The following ZNF860 variants were observed in gnomAD, a reference collection of about 807,000 sequenced individuals.
ZNF860 encodes zinc finger protein 860.
For missense variants in ZNF860, 641 were observed against 759.2 expected, an observed-to-expected ratio of 0.84 and a Z score of 1.83; for synonymous variants, 206 against 248.9, an observed-to-expected ratio of 0.83 and a Z score of 1.62.
At chr3:32,000,927 C>T in the ZNF860 span, among the ~76,000 whole-genome samples, 4 of 152,164 alleles carry the variant, frequency 2.6e-5, no homozygotes, top group East Asian at 3.9e-4. Context: ...ATCTTTGGAA[C>T]TGGAATGAAG....
chr3:31,990,362 G>A lies in ZNF860; in HGVS notation c.1283G>A (p.Cys428Tyr). ...CATAATGAAGAGAGATCTTACAAGT[G>A]TAATAAATGTGGCAAATTTTTTAGA... ...RIHNEERSYK[C>Y]NKCGKFFRRR... is the part of the protein sequence containing the mutation. Residue 428 changes from cysteine (C) to tyrosine (Y), a missense_variant, in exon 2 of 2, where the codon TGT (cysteine) becomes TAT (tyrosine). Coordinates refer to ENST00000360311, the MANE Select transcript of ZNF860 (RefSeq NM_001137674.3). 3 of 1,614,078 alleles carry A rather than the reference G, an allele frequency of 1.9e-6. No individual in the cohort carries two copies. Among genetic ancestry groups the A allele is most frequent in the Non-Finnish European group, 2.5e-6 (3 of 1,179,992 alleles).
At chr3:31,992,444 C>T (rs1036589887), downstream of ZNF860, among the ~76,000 whole-genome samples, 2 of 152,116 alleles carry the variant, frequency 1.3e-5, no homozygotes, top group Admixed American at 1.3e-4. Context: ...TCAGTAGAGC[C>T]ATGTTGATTC....
the ZNF860 span, among the ~76,000 whole-genome samples, chr3:31,998,243 C>T: frequency 1.3e-5 from 2 of 152,108 alleles, no homozygotes; most frequent in African/African-American, 4.8e-5. Context: ...TTCCTTGTGG[C>T]ATTTTTTTTG....
chr3:31,992,106 A>G (rs151296307), downstream of ZNF860, among the ~76,000 whole-genome samples: 358 of 150,298 alleles, frequency 2.4e-3, 2 homozygotes, highest in African/African-American at 7.8e-3. Flanking sequence ...GGATCGCCCC[A>G]CTGCACTCCA....
the ZNF860 span, among the ~76,000 whole-genome samples, chr3:32,004,201 A>G: frequency 6.6e-6 from 1 of 152,188 alleles, no homozygotes; most frequent in Non-Finnish European, 1.5e-5. Flanking sequence ...ATCCTGTTAG[A>G]GTGGTGACAG....
At chr3:32,005,921 CTTTA>C in the ZNF860 span, among the ~76,000 whole-genome samples, 11 of 151,602 alleles carry the variant, frequency 7.3e-5, no homozygotes, top group Admixed American at 2.0e-4. Context: ...TCTTGTTTTA[CTTTA>C]TTTATTTATT....
intron 1 of ZNF860, among the ~76,000 whole-genome samples, chr3:31,982,116 GC>G (rs1478879128): frequency 6.6e-6 from 1 of 152,124 alleles, no homozygotes; most frequent in Non-Finnish European, 1.5e-5. Flanking sequence ...CTACCACACT[GC>G]ACGTGCACCT....
downstream of ZNF860, among the ~76,000 whole-genome samples, chr3:31,996,360 C>G (rs976188): frequency 0.33 from 50,937 of 152,086 alleles, 11,627 homozygotes; most frequent in African/African-American, 0.64. Context: ...AACTCTCCCC[C>G]CCGTGCAAGG....
chr3:31,986,603 T>C (rs917254141), intron 1 of ZNF860, among the ~76,000 whole-genome samples: 6 of 152,140 alleles, frequency 3.9e-5, no homozygotes, highest in Admixed American at 6.5e-5. Flanking sequence ...AAAAAGTTTA[T>C]ATTTTTTTAT....
Position 31,990,648 on chromosome 3 carries a change from A to G in ZNF860, c.1569A>G (p.Ala523=). 6.2e-7 allele frequency: 1 copy of G among 1,614,218 alleles called. No homozygotes were observed. The highest frequency in any genetic ancestry group is 8.5e-7 in the Non-Finnish European group (1 of 1,180,028). Residue 523 remains alanine, a synonymous_variant, in exon 2 of 2, where the codon GCA becomes GCG. Coordinates refer to ENST00000360311, the MANE Select transcript of ZNF860 (RefSeq NM_001137674.3). ...NECGKVFNQQ[A]TLARHHRLHT... is the part of the protein sequence containing the mutation. ...GTGGCAAGGTTTTTAATCAACAAGC[A>G]ACCCTTGCACGTCATCATAGACTTC...
the ZNF860 span, among the ~76,000 whole-genome samples, chr3:32,003,594 C>A: frequency 6.6e-6 from 1 of 152,212 alleles, no homozygotes. Flanking sequence ...TGGGTGGTAT[C>A]ATTCAAGGTC....
chr3:31,986,508 G>A (rs1698934900), intron 1 of ZNF860: 1 of 152,250 alleles, frequency 6.6e-6, no homozygotes, highest in Non-Finnish European at 1.5e-5. Flanking sequence ...CACTTTGGGA[G>A]GCTGAGGCGG....
Position 31,990,928 on chromosome 3 carries a change from A to G in ZNF860, c.1849A>G (p.Thr617Ala). Residue 617 changes from threonine (T) to alanine (A), a missense_variant, in exon 2 of 2, where the codon ACC (threonine) becomes GCC (alanine). By Grantham distance (58) the Thr-to-Ala change is moderately conservative. Transcript: ENST00000360311. ...SHRIRHQRIH[T>A]GQKSYKCHKR... The stretch of plus-strand genomic sequence containing the variant: ...TCGCATTAGACATCAGAGAATCCAT[A>G]CCGGACAGAAATCTTACAAATGTCA... 1 of 1,574,840 alleles carries G rather than the reference A, an allele frequency of 6.3e-7. No homozygotes were observed. The highest frequency in any genetic ancestry group is 8.6e-7 in the Non-Finnish European group (1 of 1,158,918).
Position 31,990,796 on chromosome 3 carries a change from G to A in ZNF860, c.1717G>A (p.Glu573Lys), listed in dbSNP as rs1247937977. ...ACCTTACAAATGTGATGATTTTGAC[G>A]AGGCCTTCAGTCAAGCTTCATCTTA... ...EKPYKCDDFD[E>K]AFSQASSYAK... Residue 573 changes from glutamate (E) to lysine (K), a missense_variant, in exon 2 of 2, where the codon GAG becomes AAG. Physicochemically the swap from Glu to Lys is moderately conservative, Grantham distance 56. Coordinates refer to ENST00000360311, the MANE Select transcript of ZNF860 (RefSeq NM_001137674.3). 1.1e-5 allele frequency: 18 copies of A among 1,609,450 alleles called. No homozygotes were observed. Among genetic ancestry groups the A allele is most frequent in the Admixed American group, 5.1e-5 (3 of 59,188 alleles).
At chr3:31,997,347 C>G in the ZNF860 span, among the ~76,000 whole-genome samples, 1 of 151,610 alleles carries the variant, frequency 6.6e-6, no homozygotes, top group Non-Finnish European at 1.5e-5. Flanking sequence ...TCACTGCAAC[C>G]TCCGCCTCCT....
intron 1 of ZNF860, among the ~76,000 whole-genome samples, chr3:31,984,455 A>G (rs1698905739): frequency 6.6e-6 from 1 of 151,930 alleles, no homozygotes; most frequent in African/African-American, 2.4e-5. Context: ...GTCTTCTTGC[A>G]CTGAGTCAGT....
chr3:31,995,295 A>T (rs7642435), downstream of ZNF860, among the ~76,000 whole-genome samples: 6 of 151,976 alleles, frequency 3.9e-5, no homozygotes, highest in African/African-American at 1.2e-4. Flanking sequence ...TATCTCAACC[A>T]CATAGGACAG....
the ZNF860 span, among the ~76,000 whole-genome samples, chr3:31,998,585 T>C: frequency 6.6e-6 from 1 of 152,234 alleles, no homozygotes; most frequent in Non-Finnish European, 1.5e-5. Flanking sequence ...ATCTGTCCCT[T>C]TCATTGGATC....
chr3:31,993,877 A>G (rs1388869108), downstream of ZNF860, among the ~76,000 whole-genome samples: 1 of 152,216 alleles, frequency 6.6e-6, no homozygotes, highest in Non-Finnish European at 1.5e-5. Flanking sequence ...TTATACAAAT[A>G]TAATGAAAAC....
Sources: allele counts gnomAD v4.1 joint callset (sites outside exome capture counted in the v4.1 genomes callset), GRCh38; gene constraint gnomAD v4.1.1; transcripts MANE v1.5; gene names NCBI Gene and HGNC (gene_info 2026-07-23, HGNC 2026-07-21).